PTPRD: variants seen among roughly 807,000 people sequenced by gnomAD.
PTPRD encodes protein tyrosine phosphatase receptor type D.
PTPRD carries 34 observed loss-of-function variants against 214.5 expected under a neutral mutation model. That is an observed-to-expected ratio of 0.16 (90% CI 0.12 to 0.21). The LOEUF (loss-of-function observed/expected upper bound fraction) is 0.21. Among genes scored for constraint, PTPRD ranks in the 10% least tolerant of loss-of-function variants. PTPRD has a pLI of 1.00. For missense variants in PTPRD, 2,545 were observed against 2,398.7 expected, an observed-to-expected ratio of 1.06 and a Z score of -1.27; for synonymous variants, 1,128 against 845.7, an observed-to-expected ratio of 1.33 and a Z score of -5.79.
chr9:8,471,371 T>C (rs1435292513), intron 30 of PTPRD, among the ~76,000 whole-genome samples: 2 of 152,002 alleles, frequency 1.3e-5, no homozygotes, highest in Non-Finnish European at 2.9e-5. Flanking sequence ...GTTAGGGCCC[T>C]GGTGCTGGAC....
intron 9 of PTPRD, among the ~76,000 whole-genome samples, chr9:9,327,573 A>T (rs1405807962): frequency 2.6e-5 from 4 of 152,184 alleles, no homozygotes; most frequent in Non-Finnish European, 5.9e-5. Context: ...TCCATGACAG[A>T]TAGTAATAAC....
At chr9:9,702,391 T>G (rs1312847142) in intron 7 of PTPRD, among the ~76,000 whole-genome samples, 8 of 152,166 alleles carry the variant, frequency 5.3e-5, no homozygotes, top group Admixed American at 4.6e-4. Context: ...CAAAGAAGCA[T>G]AGTTTCACAG....
intron 7 of PTPRD, among the ~76,000 whole-genome samples, chr9:9,673,895 T>A (rs1294164396): frequency 1.3e-5 from 2 of 151,704 alleles, no homozygotes; most frequent in African/African-American, 4.8e-5. Context: ...CTTAAAGTAC[T>A]CGATAGAAGT....
intron 4 of PTPRD, among the ~76,000 whole-genome samples, chr9:10,031,002 C>A (rs545921071): frequency 2.0e-5 from 3 of 152,226 alleles, no homozygotes; most frequent in East Asian, 1.9e-4. Flanking sequence ...TCAGAAAAAA[C>A]CCAATGCAAA....
intron 2 of PTPRD, among the ~76,000 whole-genome samples, chr9:10,477,567 G>C (rs1019965368): frequency 2.0e-5 from 3 of 152,176 alleles, no homozygotes; most frequent in South Asian, 4.1e-4. Context: ...GTGGAAGACA[G>C]TGTGGTGATT....
chr9:9,238,526 T>C (rs763210185), intron 9 of PTPRD, among the ~76,000 whole-genome samples: 1 of 152,042 alleles, frequency 6.6e-6, no homozygotes, highest in Non-Finnish European at 1.5e-5. Context: ...TGGAAAATCA[T>C]TGGTTAAGTT....
chr9:8,757,272 A>C (rs1280297252), intron 11 of PTPRD, among the ~76,000 whole-genome samples: 1 of 152,230 alleles, frequency 6.6e-6, no homozygotes, highest in African/African-American at 2.4e-5. Flanking sequence ...TTATCTGAAA[A>C]TATAGGGAAT....
chr9:9,199,552 T>C (rs1157117580), intron 9 of PTPRD, among the ~76,000 whole-genome samples: 1 of 152,106 alleles, frequency 6.6e-6, no homozygotes, highest in Non-Finnish European at 1.5e-5. Flanking sequence ...TGAGAACTGA[T>C]AAAAGTGTTA....
chr9:9,981,158 A>G (rs2095530786), intron 4 of PTPRD, among the ~76,000 whole-genome samples: 1 of 152,146 alleles, frequency 6.6e-6, no homozygotes, highest in Non-Finnish European at 1.5e-5. Context: ...AATTTTACTT[A>G]TTGGCATAAA....
Position 9,341,286 on chromosome 9 carries a change from T to C in PTPRD, c.-203+56163A>G, listed in dbSNP as rs145834475. 1.9e-4 allele frequency among the ~76,000 whole-genome samples: 29 copies of C among 152,190 alleles called. No individual in the cohort carries two copies. The East Asian group carries it at 5.4e-3, about 28-fold the overall frequency. The stretch of plus-strand genomic sequence containing the variant: ...GTAGGCTCAGCCTGACTCAGGGCCC[T>C]GAGATGAATGTTACTTTAGGCAGAT... On this transcript the variant is annotated intron_variant, in intron 9 of 45. Transcript: ENST00000381196.
intron 45 of PTPRD, among the ~76,000 whole-genome samples, chr9:8,318,735 A>G (rs1461480917): frequency 6.6e-6 from 1 of 152,122 alleles, no homozygotes; most frequent in East Asian, 1.9e-4. Flanking sequence ...ACTAAAAAAA[A>G]GCAGTATGAA....
At chr9:9,055,390 C>T (rs1329697056) in intron 10 of PTPRD, among the ~76,000 whole-genome samples, 1 of 152,172 alleles carries the variant, frequency 6.6e-6, no homozygotes, top group African/African-American at 2.4e-5. Flanking sequence ...ACTTCAAAAA[C>T]TATGTTGAAC....
intron 37 of PTPRD, among the ~76,000 whole-genome samples, chr9:8,386,817 G>A (rs1311330502): frequency 2.0e-5 from 3 of 152,194 alleles, no homozygotes; most frequent in Admixed American, 6.5e-5. Context: ...TTAGGTAAAA[G>A]AGCAACTGGA....
intron 8 of PTPRD, among the ~76,000 whole-genome samples, chr9:9,511,775 A>T (rs1241381687): frequency 6.6e-6 from 1 of 151,762 alleles, no homozygotes; most frequent in Non-Finnish European, 1.5e-5. Context: ...AATACCAAAG[A>T]TCTCTTTTAT....
At chr9:9,901,693 C>G (rs1481452442) in intron 5 of PTPRD, among the ~76,000 whole-genome samples, 1 of 152,018 alleles carries the variant, frequency 6.6e-6, no homozygotes, top group Non-Finnish European at 1.5e-5. Flanking sequence ...CTATAAATAA[C>G]TACTTGAGAT....
Position 8,611,389 on chromosome 9 carries a change from G to T in PTPRD, c.352+21928C>A, listed in dbSNP as rs201350464. 1.3e-4 allele frequency among the ~76,000 whole-genome samples: 20 copies of T among 152,236 alleles called. No individual in the cohort carries two copies. In the East Asian group the frequency reaches 2.3e-3, roughly 18 times the overall value. On this transcript the variant is annotated intron_variant, in intron 14 of 45. Coordinates refer to ENST00000381196, the MANE Select transcript of PTPRD (RefSeq NM_002839.4). ...GTGACCAACCAGAACATGGGGTAAAGGATGGAAAGAAAGGGGAATAAAAAC... is the reference window on the plus strand; with the variant it reads ...GTGACCAACCAGAACATGGGGTAAATGATGGAAAGAAAGGGGAATAAAAAC...
chr9:10,408,886 T>C (rs1359524551), intron 2 of PTPRD, among the ~76,000 whole-genome samples: 3 of 151,722 alleles, frequency 2.0e-5, no homozygotes, highest in Non-Finnish European at 4.4e-5. Context: ...ATGTTAGATA[T>C]TGTTATTTTC....
At chr9:10,282,806 T>G (rs969767581) in intron 3 of PTPRD, among the ~76,000 whole-genome samples, 2 of 152,156 alleles carry the variant, frequency 1.3e-5, no homozygotes, top group South Asian at 4.1e-4. Context: ...GTAAGAGAAG[T>G]TAAGATCAGA....
At chr9:9,443,967 T>C (rs1450809634) in intron 8 of PTPRD, among the ~76,000 whole-genome samples, 1 of 152,206 alleles carries the variant, frequency 6.6e-6, no homozygotes, top group South Asian at 2.1e-4. Context: ...CTATACATAA[T>C]GACAATTTTT....
Sources: allele counts gnomAD v4.1 joint callset (sites outside exome capture counted in the v4.1 genomes callset), GRCh38; gene constraint gnomAD v4.1.1; transcripts MANE v1.5; gene names NCBI Gene and HGNC (gene_info 2026-07-23, HGNC 2026-07-21).